NTM: variants seen among roughly 807,000 people sequenced by gnomAD.
NTM encodes the protein IgLON family member 2.
A neutral mutation model predicts 42.1 loss-of-function variants in NTM; 13 were observed. The observed-to-expected ratio is 0.31, with a 90% CI of 0.20 to 0.49. NTM has a LOEUF of 0.49. Ranked by LOEUF, NTM falls within the 20% of genes least tolerant of loss-of-function variation. NTM has a pLI of 0.99. For missense variants in NTM, 373 were observed against 452.8 expected, an observed-to-expected ratio of 0.82 and a Z score of 1.60; for synonymous variants, 187 against 179.2, an observed-to-expected ratio of 1.04 and a Z score of -0.35.
chr11:131,737,347 C>T (rs2080600201), intron 1 of NTM, among the ~76,000 whole-genome samples: 1 of 152,168 alleles, frequency 6.6e-6, no homozygotes, highest in South Asian at 2.1e-4. Context: ...TTAAAAGAAC[C>T]ACCTTCAGCC....
intron 1 of NTM, among the ~76,000 whole-genome samples, chr11:131,788,425 T>C (rs2089623338): frequency 6.6e-6 from 1 of 152,146 alleles, no homozygotes; most frequent in Non-Finnish European, 1.5e-5. Context: ...ATTTGGTGGC[T>C]CTCTTTTGTA....
intron 2 of NTM, among the ~76,000 whole-genome samples, chr11:131,925,340 A>G (rs1253191251): frequency 2.0e-5 from 3 of 151,272 alleles, no homozygotes; most frequent in East Asian, 1.9e-4. Flanking sequence ...GAGAAAGAAG[A>G]GAAAACCACT....
At chr11:131,421,435 C>T (rs2135829564) in intron 1 of NTM, among the ~76,000 whole-genome samples, 1 of 152,274 alleles carries the variant, frequency 6.6e-6, no homozygotes, top group South Asian at 2.1e-4. Flanking sequence ...GCTGAAGGTT[C>T]CTTTGGATCC....
intron 1 of NTM, among the ~76,000 whole-genome samples, chr11:131,772,436 C>T (rs2135930658): frequency 6.6e-6 from 1 of 152,284 alleles, no homozygotes; most frequent in African/African-American, 2.4e-5. Context: ...CTAATCAGGT[C>T]AACCCTGTTA....
Position 131,556,717 on chromosome 11 carries a change from G to A in NTM, c.82+185829G>A, listed in dbSNP as rs147997982. Among the ~76,000 whole-genome samples, 512 of 151,982 alleles carry A rather than the reference G, an allele frequency of 3.4e-3. 2 individuals are homozygous for A. The highest frequency in any genetic ancestry group is 0.011 in the African/African-American group (462 of 41,490). The stretch of plus-strand genomic sequence containing the variant: ...CAAGTAGCTGGGACTACAGGCATGC[G>A]CCACCACACCCAGCTAATTTTTGTA... On this transcript the variant is annotated intron_variant, in intron 1 of 8. Transcript: ENST00000683400.
chr11:131,622,662 C>T (rs537303047), intron 1 of NTM, among the ~76,000 whole-genome samples: 14 of 152,276 alleles, frequency 9.2e-5, no homozygotes, highest in Admixed American at 2.0e-4. Context: ...GGAAGAAAAA[C>T]GGCGTAAATC....
At chr11:131,585,383 G>GTGGGAGGAAGTTCACCA (rs1317237376) in intron 1 of NTM, among the ~76,000 whole-genome samples, 1 of 152,170 alleles carries the variant, frequency 6.6e-6, no homozygotes, top group Non-Finnish European at 1.5e-5. Context: ...TCCGGGTTTG[G>GTGGGAGGAAGTTCACCA]TGGGAGGAAG....
intron 1 of NTM, among the ~76,000 whole-genome samples, chr11:131,615,104 A>G (rs1441692239): frequency 2.0e-5 from 3 of 152,214 alleles, no homozygotes; most frequent in African/African-American, 7.2e-5. Flanking sequence ...GCAATATTCT[A>G]TCTTAATCAA....
chr11:132,193,361 C>T (rs1332513530), intron 3 of NTM, among the ~76,000 whole-genome samples: 1 of 151,880 alleles, frequency 6.6e-6, no homozygotes, highest in East Asian at 1.9e-4. Flanking sequence ...TCTCTGAAAA[C>T]CATAAAATTG....
Position 131,485,353 on chromosome 11 carries a change from C to T in NTM, c.82+114465C>T, listed in dbSNP as rs1425703168. On this transcript the variant is annotated intron_variant, in intron 1 of 8. Coordinates refer to ENST00000683400, the MANE Select transcript of NTM (RefSeq NM_001352005.2). ...GTTCCAAGTGAAGGCAATGGAGATG[C>T]GAGAGAGGCCCTTCTGTGCCAGCTA... Among the ~76,000 whole-genome samples, 10 of 152,150 alleles carry T rather than the reference C, an allele frequency of 6.6e-5. 1 individual carries two copies. Among genetic ancestry groups the T allele is most frequent in the South Asian group, 4.1e-4 (2 of 4,830 alleles).
chr11:131,516,278 G>A (rs1463485023), intron 1 of NTM, among the ~76,000 whole-genome samples: 1 of 152,220 alleles, frequency 6.6e-6, no homozygotes, highest in Non-Finnish European at 1.5e-5. Flanking sequence ...CAGATGCTTA[G>A]TTTATTAATT....
chr11:132,222,323 C>T (rs1279800443), intron 4 of NTM, among the ~76,000 whole-genome samples: 1 of 152,214 alleles, frequency 6.6e-6, no homozygotes, highest in Non-Finnish European at 1.5e-5. Context: ...TTGTTTTCCT[C>T]ATGTTAAATG....
chr11:131,675,379 T>A (rs2071199506), intron 1 of NTM, among the ~76,000 whole-genome samples: 2 of 152,350 alleles, frequency 1.3e-5, no homozygotes, highest in East Asian at 3.9e-4. Context: ...AATTCATTAG[T>A]ATCTTACATA....
At position 131,992,190 on chromosome 11, in the gene NTM, TATG is replaced by T. The variant is rs147984894; in HGVS notation, c.167+80548_167+80550del. Among the ~76,000 whole-genome samples the T allele has an allele frequency of 4.8e-3, 728 of 152,324 alleles. 5 individuals are homozygous for T. Among genetic ancestry groups the T allele is most frequent in the African/African-American group, 0.016 (652 of 41,574 alleles). ...TGACGACTATGAAGATGAAGAGTTT[TATG>T]ATGATTAACTTTCACTTACTGAATT... On this transcript the variant is annotated intron_variant, in intron 2 of 8. Transcript: ENST00000683400.
At chr11:132,135,431 A>G (rs966562133) in intron 2 of NTM, among the ~76,000 whole-genome samples, 2 of 152,262 alleles carry the variant, frequency 1.3e-5, no homozygotes, top group Non-Finnish European at 2.9e-5. Context: ...CTCTAGAGGC[A>G]GATTCTGGGA....
At chr11:131,454,626 C>A (rs1048123587) in intron 1 of NTM, among the ~76,000 whole-genome samples, 1 of 152,106 alleles carries the variant, frequency 6.6e-6, no homozygotes, top group Non-Finnish European at 1.5e-5. Flanking sequence ...ATCCATCCCA[C>A]AAAGCACACG....
At chr11:131,822,822 G>A (rs1230262870) in intron 1 of NTM, among the ~76,000 whole-genome samples, 1 of 142,882 alleles carries the variant, frequency 7.0e-6, no homozygotes, top group Non-Finnish European at 1.6e-5. Flanking sequence ...CAACGTTCAA[G>A]GACTCATTTG....
intron 4 of NTM, among the ~76,000 whole-genome samples, chr11:132,290,874 G>A (rs1416399507): frequency 3.3e-5 from 5 of 152,124 alleles, no homozygotes; most frequent in African/African-American, 7.2e-5. Context: ...GAAAGAAGGC[G>A]ACAACCTGAA....
Position 131,816,547 on chromosome 11 carries a change from GAAA to G in NTM, c.83-95006_83-95004del, listed in dbSNP as rs34057469. Among the ~76,000 whole-genome samples, 290 of 140,004 alleles carry G rather than the reference GAAA, an allele frequency of 2.1e-3. 2 individuals carry two copies. The highest frequency in any genetic ancestry group is 8.2e-3 in the African/African-American group (278 of 34,104). The allele number at this position is 140,004 out of a possible 152,430, so 91.8% of individuals were successfully genotyped here. On this transcript the variant is annotated intron_variant, in intron 1 of 8. Coordinates refer to ENST00000683400, the MANE Select transcript of NTM (RefSeq NM_001352005.2). ...ACAAGTTCATTGAATATTAAAGCAA[GAAA>G]AAAAAAAAAAGGAATTTAAAGATTA...
Sources: allele counts gnomAD v4.1 joint callset (sites outside exome capture counted in the v4.1 genomes callset), GRCh38; gene constraint gnomAD v4.1.1; transcripts MANE v1.5; gene names NCBI Gene and HGNC (gene_info 2026-07-23, HGNC 2026-07-21).